SPA17: variants seen among roughly 807,000 people sequenced by gnomAD.
SPA17 encodes sperm autoantigenic protein 17.
In SPA17, 7 loss-of-function variants were observed where a neutral mutation model predicts 13.8. That is an observed-to-expected ratio of 0.51 (90% CI 0.29 to 0.95). The LOEUF is 0.95. Among genes scored for constraint, SPA17 ranks in the 40% least tolerant of loss-of-function variants. The pLI is 0.08. For synonymous variants in SPA17, 61 were observed against 59.0 expected (o/e 1.03, Z -0.16); for missense variants, 170 against 179.3 (o/e 0.95, Z 0.30).
At chr11:124,679,047 G>A (rs1398152137) in intron 2 of SPA17, among the ~76,000 whole-genome samples, 1 of 151,432 alleles carries the variant, frequency 6.6e-6, no homozygotes, top group Non-Finnish European at 1.5e-5. Flanking sequence ...TGAGGCAAGG[G>A]AATGGCTTGA....
At chr11:124,677,687 G>A (rs1181773754) in intron 2 of SPA17, among the ~76,000 whole-genome samples, 1 of 152,178 alleles carries the variant, frequency 6.6e-6, no homozygotes, top group Admixed American at 6.5e-5. Flanking sequence ...AAAAAGCACT[G>A]TGAGGAAAAC....
chr11:124,685,144 G>A (rs547112092), intron 3 of SPA17, among the ~76,000 whole-genome samples: 1 of 152,340 alleles, frequency 6.6e-6, no homozygotes, highest in East Asian at 1.9e-4. Context: ...CCCATCACAA[G>A]CCTGGAGGCA....
chr11:124,690,998 T>C (rs2134418523), intron 3 of SPA17, among the ~76,000 whole-genome samples: 1 of 152,352 alleles, frequency 6.6e-6, no homozygotes, highest in Admixed American at 6.5e-5. Flanking sequence ...AGGAATAATG[T>C]TGAAAGATTT....
intron 4 of SPA17, among the ~76,000 whole-genome samples, chr11:124,693,910 A>G (rs926276665): frequency 3.9e-5 from 6 of 152,194 alleles, no homozygotes; most frequent in Non-Finnish European, 8.8e-5. Flanking sequence ...CTAATTCATT[A>G]TATGTAATTG....
At chr11:124,683,351 C>T (rs1328010701) in intron 3 of SPA17, among the ~76,000 whole-genome samples, 1 of 151,730 alleles carries the variant, frequency 6.6e-6, no homozygotes, top group Non-Finnish European at 1.5e-5. Flanking sequence ...CAAATGGGCC[C>T]ACTACAGAAT....
At chr11:124,679,865 G>A (rs186511356) in intron 2 of SPA17, among the ~76,000 whole-genome samples, 13 of 152,252 alleles carry the variant, frequency 8.5e-5, no homozygotes, top group Admixed American at 5.9e-4. Flanking sequence ...AATAATTAGA[G>A]CATCAATAAG....
At position 124,695,452 on chromosome 11, in the gene SPA17, GATTC is replaced by G. The variant is rs1487800535; in HGVS notation, c.*1012_*1015del. The G allele has an allele frequency of 6.6e-6, 1 of 152,124 alleles. No individual in the cohort carries two copies. The highest frequency in any genetic ancestry group is 2.4e-5 in the African/African-American group (1 of 41,416). 9.4% of individuals were successfully genotyped at this position (152,124 alleles called of 1,614,324 possible). On this transcript the variant is annotated 3_prime_UTR_variant, in exon 5 of 5. Transcript: ENST00000227135. ...GCTTTATCTCTTTTATGTTTTCAAT[GATTC>G]ATTCAAATCCCTAGTGCCTTAGTTT... is the stretch of plus-strand genomic sequence containing the variant.
intron 2 of SPA17, among the ~76,000 whole-genome samples, chr11:124,679,007 A>T (rs1465287338): frequency 2.0e-5 from 3 of 152,106 alleles, no homozygotes; most frequent in African/African-American, 7.2e-5. Context: ...TATAATTTTA[A>T]ATTTAAAATT....
chr11:124,692,775 C>T (rs892144028), intron 4 of SPA17, among the ~76,000 whole-genome samples: 1 of 152,160 alleles, frequency 6.6e-6, no homozygotes, highest in African/African-American at 2.4e-5. Flanking sequence ...ATTCTTCATA[C>T]TCCAGACTCT....
At chr11:124,681,977 T>A (rs1943534270) in intron 3 of SPA17, among the ~76,000 whole-genome samples, 1 of 152,152 alleles carries the variant, frequency 6.6e-6, no homozygotes, top group Non-Finnish European at 1.5e-5. Context: ...CCGGTTAGAA[T>A]TAAAGGTGGT....
chr11:124,680,706 GAAAT>G (rs1943520315), intron 2 of SPA17, among the ~76,000 whole-genome samples: 1 of 152,092 alleles, frequency 6.6e-6, no homozygotes, highest in African/African-American at 2.4e-5. Context: ...GATACATTCT[GAAAT>G]AAATAATTGT....
chr11:124,692,655 G>A (rs976437568), intron 4 of SPA17, among the ~76,000 whole-genome samples: 7 of 152,132 alleles, frequency 4.6e-5, no homozygotes, highest in African/African-American at 1.7e-4. Context: ...TTAATAACTT[G>A]AAGTCAGCCA....
At chr11:124,686,465 C>G (rs1943580083) in intron 3 of SPA17, among the ~76,000 whole-genome samples, 1 of 152,204 alleles carries the variant, frequency 6.6e-6, no homozygotes, top group South Asian at 2.1e-4. Flanking sequence ...ACAGAACATT[C>G]TACCCAACAA....
At position 124,675,277 on chromosome 11, in the gene SPA17, T is replaced by G. The variant is rs1369938484; in HGVS notation, c.13T>G (p.Phe5Val). 1.2e-6 allele frequency: 2 copies of G among 1,612,564 alleles called. No homozygotes were observed. The highest frequency in any genetic ancestry group is 1.7e-4 in the Middle Eastern group (1 of 6,056). ...TCTTACCAAGAAGATGTCGATTCCA[T>G]TCTCCAACACCCACTACCGAATTCC... MSIPFSNTHYRIPQG... is the reference protein window; with the variant it reads MSIPVSNTHYRIPQG... The change falls in exon 2 of 5, where the codon TTC becomes GTC. Residue 5 changes from phenylalanine (F) to valine (V), a missense_variant. Transcript: ENST00000227135.
rs539900273 is a variant in SPA17 at position 124,695,496 on chromosome 11, T to C, written c.*1050T>C. On this transcript the variant is annotated 3_prime_UTR_variant, in exon 5 of 5. Transcript: ENST00000227135. ...TGCCTTAGTTTTAGAAAGTTCCGTC[T>C]CTCCTTTTTGAGGCCTCTCCACCCT... 3.3e-5 allele frequency: 5 copies of C among 152,184 alleles called. No individual in the cohort carries two copies. The highest frequency in any genetic ancestry group is 7.3e-5 in the Non-Finnish European group (5 of 68,034). 9.4% of individuals were successfully genotyped at this position (152,184 alleles called of 1,614,324 possible).
chr11:124,692,144 A>G (rs762310839), intron 4 of SPA17, among the ~76,000 whole-genome samples: 12 of 152,192 alleles, frequency 7.9e-5, no homozygotes, highest in Non-Finnish European at 1.3e-4. Context: ...ACAATGGCAA[A>G]TTTCAGAGAT....
intron 2 of SPA17, among the ~76,000 whole-genome samples, chr11:124,679,252 A>G (rs1281422330): frequency 6.6e-6 from 1 of 152,124 alleles, no homozygotes; most frequent in Non-Finnish European, 1.5e-5. Flanking sequence ...GTGATATTAA[A>G]ATGGAGTAAT....
chr11:124,675,617 C>T, intron 2 of SPA17, 199 bp downstream of exon 2: 1 of 523,404 alleles, frequency 1.9e-6, no homozygotes, highest in South Asian at 2.5e-5. Flanking sequence ...TCGAAGATTA[C>T]CAGTTCATTA....
At chr11:124,691,571 G>T in intron 3 of SPA17, 125 bp from the exon 4 acceptor site, 2 of 457,760 alleles carry the variant, frequency 4.4e-6, no homozygotes, top group Non-Finnish European at 7.7e-6. Context: ...AGATAAATAC[G>T]TAGTATTTAA....
Sources: gnomAD v4.1 joint callset for allele counts (sites outside exome capture counted in the v4.1 genomes callset) on GRCh38, gnomAD v4.1.1 for gene constraint, MANE v1.5 for transcripts, NCBI Gene and HGNC (gene_info 2026-07-23, HGNC 2026-07-21) for gene names.